SDK1: variants seen among roughly 807,000 people sequenced by gnomAD.
The protein encoded by SDK1 is sidekick cell adhesion molecule 1.
In SDK1, 157 loss-of-function variants were observed where a neutral mutation model predicts 245.5. The observed-to-expected ratio is 0.64, with a 90% CI of 0.56 to 0.73. The LOEUF (loss-of-function observed/expected upper bound fraction) is 0.73. Ranked by LOEUF, SDK1 falls within the 30% of genes least tolerant of loss-of-function variation. The pLI is 0.00. For synonymous variants in SDK1, 1,647 were observed against 1,278.5 expected, an observed-to-expected ratio of 1.29 and a Z score of -6.15; for missense variants, 3,583 against 3,002.3, an observed-to-expected ratio of 1.19 and a Z score of -4.52.
chr7:3,663,065 C>G (rs1357733747), intron 4 of SDK1, among the ~76,000 whole-genome samples: 1 of 152,148 alleles, frequency 6.6e-6, no homozygotes, highest in Admixed American at 6.5e-5. Flanking sequence ...CATATTTGAT[C>G]TCATTTTGGA....
chr7:4,122,749 A>G (rs543191051), intron 25 of SDK1, among the ~76,000 whole-genome samples: 1 of 152,334 alleles, frequency 6.6e-6, no homozygotes, highest in African/African-American at 2.4e-5. Context: ...CTTTGTTTTT[A>G]ATGAAAGGGG....
At chr7:3,535,650 A>T (rs1778862248) in intron 1 of SDK1, among the ~76,000 whole-genome samples, 1 of 152,162 alleles carries the variant, frequency 6.6e-6, no homozygotes. Context: ...TGTATGAGAA[A>T]CTATGTCTAT....
At chr7:3,418,423 G>C (rs1175614110) in intron 1 of SDK1, among the ~76,000 whole-genome samples, 1 of 152,136 alleles carries the variant, frequency 6.6e-6, no homozygotes, top group Non-Finnish European at 1.5e-5. Flanking sequence ...AGGTGGTGCA[G>C]AGCACTGTGC....
At chr7:3,568,784 T>C (rs1780007565) in intron 1 of SDK1, among the ~76,000 whole-genome samples, 1 of 152,236 alleles carries the variant, frequency 6.6e-6, no homozygotes, top group African/African-American at 2.4e-5. Flanking sequence ...GGAGTACCTG[T>C]AATGGATCTG....
chr7:3,681,037 G>T (rs768943650), intron 4 of SDK1, among the ~76,000 whole-genome samples: 1 of 152,066 alleles, frequency 6.6e-6, no homozygotes, highest in Non-Finnish European at 1.5e-5. Context: ...TAGAGATGGG[G>T]TTTCGCCATG....
chr7:3,771,470 C>T (rs549999039), intron 4 of SDK1, among the ~76,000 whole-genome samples: 1 of 152,022 alleles, frequency 6.6e-6, no homozygotes, highest in African/African-American at 2.4e-5. Context: ...CTTAACTCAC[C>T]CTCATTGTTG....
At chr7:3,887,453 A>T (rs898138960) in intron 5 of SDK1, among the ~76,000 whole-genome samples, 2 of 152,204 alleles carry the variant, frequency 1.3e-5, no homozygotes, top group African/African-American at 4.8e-5. Flanking sequence ...AAGTAATAAT[A>T]ATTGAGCAAT....
At chr7:3,583,333 C>T (rs532023915) in intron 1 of SDK1, among the ~76,000 whole-genome samples, 2 of 152,306 alleles carry the variant, frequency 1.3e-5, no homozygotes, top group African/African-American at 2.4e-5. Context: ...CATTTAGAAA[C>T]TTTCCTCTTC....
At chr7:3,919,063 A>G (rs1385381755) in intron 5 of SDK1, among the ~76,000 whole-genome samples, 1 of 152,246 alleles carries the variant, frequency 6.6e-6, no homozygotes, top group African/African-American at 2.4e-5. Context: ...TGAATAATGT[A>G]TGCTATCACT....
rs373078424 is a variant in SDK1, at chr7:3,474,559, C to T, written c.299-144521C>T. ...CTATCACATTGGACGTTTACCTCTC[C>T]CTCACACTTTGTGTCTTACCTGTTA... On this transcript the variant is annotated intron_variant, in intron 1 of 44. Transcript: ENST00000404826. 7.9e-5 allele frequency among the ~76,000 whole-genome samples: 12 copies of T among 152,218 alleles called. 1 individual carries two copies. The East Asian group carries it at 2.1e-3, about 27-fold the overall frequency.
chr7:3,429,496 C>G (rs1010863078), intron 1 of SDK1, among the ~76,000 whole-genome samples: 1 of 151,898 alleles, frequency 6.6e-6, no homozygotes, highest in African/African-American at 2.4e-5. Context: ...GAGTGCATCT[C>G]TCATTTTTGA....
At chr7:4,024,109 G>T (rs922133177) in intron 17 of SDK1, among the ~76,000 whole-genome samples, 1 of 151,986 alleles carries the variant, frequency 6.6e-6, no homozygotes, top group South Asian at 2.1e-4. Flanking sequence ...AGGTATATTT[G>T]TGCTGTAATG....
At chr7:3,346,187 T>G (rs1780487540) in intron 1 of SDK1, among the ~76,000 whole-genome samples, 1 of 152,162 alleles carries the variant, frequency 6.6e-6, no homozygotes, top group African/African-American at 2.4e-5. Context: ...CATGCACAAA[T>G]GCTGCTCATA....
intron 1 of SDK1, among the ~76,000 whole-genome samples, chr7:3,595,428 T>C (rs1781022351): frequency 6.6e-6 from 1 of 152,184 alleles, no homozygotes; most frequent in Admixed American, 6.5e-5. Flanking sequence ...ATCTGGACTT[T>C]GCTTGGTCTT....
chr7:3,341,669 CTG>C (rs1185319698), intron 1 of SDK1, among the ~76,000 whole-genome samples: 2 of 152,106 alleles, frequency 1.3e-5, no homozygotes, highest in African/African-American at 2.4e-5. Flanking sequence ...TATGCAGAAA[CTG>C]AAATTAAAAA....
chr7:3,785,602 A>C (rs1780878333), intron 4 of SDK1, among the ~76,000 whole-genome samples: 1 of 152,200 alleles, frequency 6.6e-6, no homozygotes, highest in African/African-American at 2.4e-5. Flanking sequence ...TTCTTAACAG[A>C]CTATTGGTGT....
chr7:3,831,320 C>G lies in SDK1; in HGVS notation c.847+9737C>G, dbSNP rs6964556. 3.7e-3 allele frequency among the ~76,000 whole-genome samples: 564 copies of G among 152,252 alleles called. 3 individuals carry two copies. The highest frequency in any genetic ancestry group is 0.013 in the African/African-American group (551 of 41,546). On this transcript the variant is annotated intron_variant, in intron 5 of 44. Transcript: ENST00000404826. ...CTGGGGTTCAGCTTTTAGTTACTTTCTAGACTAAATGGTTCTACTCGTACC... is the reference window on the plus strand; with the variant it reads ...CTGGGGTTCAGCTTTTAGTTACTTTGTAGACTAAATGGTTCTACTCGTACC...
intron 1 of SDK1, among the ~76,000 whole-genome samples, chr7:3,583,143 G>C (rs1477481797): frequency 6.6e-6 from 1 of 152,198 alleles, no homozygotes; most frequent in Non-Finnish European, 1.5e-5. Flanking sequence ...GCCTCCAGCT[G>C]GTTCCTGCGT....
intron 34 of SDK1, 106 bp from the exon 35 acceptor site, chr7:4,178,379 C>G (rs1371921612): frequency 1.2e-6 from 1 of 815,204 alleles, no homozygotes; most frequent in Non-Finnish European, 2.1e-6. Flanking sequence ...CCCGCCTCCT[C>G]TCCTTGGAGG....
Sources: gnomAD v4.1 joint callset for allele counts (sites outside exome capture counted in the v4.1 genomes callset) on GRCh38, gnomAD v4.1.1 for gene constraint, MANE v1.5 for transcripts, NCBI Gene and HGNC (gene_info 2026-07-23, HGNC 2026-07-21) for gene names.